Variants in ENTPD7 observed in about 807,000 individuals in gnomAD.
ENTPD7 encodes NTPDase 7.
ENTPD7 carries 53 observed loss-of-function variants against 77.9 expected under a neutral mutation model. That is an observed-to-expected ratio of 0.68 (90% CI 0.55 to 0.85). The LOEUF is 0.85. Among genes scored for constraint, ENTPD7 ranks in the 40% least tolerant of loss-of-function variants. The probability of loss-of-function intolerance (pLI) is 0.00; values close to 1 mark genes in which losing one functional copy is unlikely to be tolerated. For missense variants in ENTPD7, 636 were observed against 743.7 expected (o/e 0.86, Z 1.68); for synonymous variants, 248 against 274.9 (o/e 0.90, Z 0.97).
At chr10:99,677,992 C>A (rs527386108) in intron 3 of ENTPD7, among the ~76,000 whole-genome samples, 12 of 152,148 alleles carry the variant, frequency 7.9e-5, no homozygotes, top group Non-Finnish European at 1.5e-4. Flanking sequence ...AGCCAGATAT[C>A]TTGGAATGAG....
At chr10:99,692,077 C>T (rs1387932002) in intron 8 of ENTPD7, among the ~76,000 whole-genome samples, 1 of 152,166 alleles carries the variant, frequency 6.6e-6, no homozygotes, top group South Asian at 2.1e-4. Flanking sequence ...AAGGAATAGA[C>T]AATATTATGT....
At chr10:99,673,724 C>T (rs758509937) in intron 3 of ENTPD7, among the ~76,000 whole-genome samples, 4 of 152,186 alleles carry the variant, frequency 2.6e-5, no homozygotes, top group Non-Finnish European at 4.4e-5. Flanking sequence ...TAACAAGATA[C>T]TTTATTTGGA....
In ENTPD7 at chr10:99,701,391, G is replaced by A. The variant is rs182051286; in HGVS notation, c.1421+333G>A. Among the ~76,000 whole-genome samples, 492 of 151,474 alleles carry A rather than the reference G, an allele frequency of 3.2e-3. 3 individuals are homozygous for A. The highest frequency in any genetic ancestry group is 0.011 in the African/African-American group (464 of 41,262). ...CAACCTCCGCCTCCTGGGTTCCAGC[G>A]ATTCTCCTGCCTCAGCCCCCCAAGT... On this transcript the variant is annotated intron_variant, in intron 11 of 12. Coordinates refer to ENST00000370489, the MANE Select transcript of ENTPD7 (RefSeq NM_020354.5).
At position 99,711,117 on chromosome 10, in the gene ENTPD7, A is replaced by G; in HGVS notation, c.*6434A>G. ...ACATAAATACAAAAAAAACCCTAAG[A>G]TAATCATTCACCAGAAGCTCATAGA... On this transcript the variant is annotated 3_prime_UTR_variant, in exon 13 of 13. Transcript: ENST00000370489. 1 of 985,066 alleles carries G rather than the reference A, an allele frequency of 1.0e-6. No individual in the cohort carries two copies. Among genetic ancestry groups the G allele is most frequent in the East Asian group, 1.1e-4 (1 of 8,820 alleles). The allele number at this position is 985,066 out of a possible 1,614,324, so 61.0% of individuals were successfully genotyped here.
intron 10 of ENTPD7, among the ~76,000 whole-genome samples, chr10:99,699,405 T>C (rs2036059450): frequency 6.6e-6 from 1 of 152,190 alleles, no homozygotes; most frequent in Non-Finnish European, 1.5e-5. Context: ...TCTGAGCATA[T>C]ATAGGACTTA....
At position 99,704,539 on chromosome 10, in the gene ENTPD7, T is replaced by C. The variant is rs1424322094; in HGVS notation, c.1671T>C (p.Cys557=). The change falls in exon 13 of 13, where the codon TGT becomes TGC. Residue 557 remains cysteine, a synonymous_variant. Transcript: ENST00000370489. ...ACAACCACTATCTCTTCTTTGCCTG[T>C]ATCCTGGTGGTGCTACTGGCCATCT... ...FVYNHYLFFA[C]ILVVLLAIFL... 1 of 1,614,238 alleles carries C rather than the reference T, an allele frequency of 6.2e-7. No individual in the cohort carries two copies. Among genetic ancestry groups the C allele is most frequent in the Non-Finnish European group, 8.5e-7 (1 of 1,180,030 alleles).
In ENTPD7 at chr10:99,710,674, T is replaced by C. The variant is rs1210898910; in HGVS notation, c.*5991T>C. Reference sequence around the variant, plus strand: ...GGGACATGGGTATATGTGTTACATATGCTGATATATAACCCACCATTCATC... The same window carrying C: ...GGGACATGGGTATATGTGTTACATACGCTGATATATAACCCACCATTCATC... On this transcript the variant is annotated 3_prime_UTR_variant, in exon 13 of 13. Coordinates refer to ENST00000370489, the MANE Select transcript of ENTPD7 (RefSeq NM_020354.5). 1.0e-6 allele frequency: 1 copy of C among 985,434 alleles called. No individual in the cohort carries two copies. Among genetic ancestry groups the C allele is most frequent in the East Asian group, 1.1e-4 (1 of 8,824 alleles). 61.0% of individuals were successfully genotyped at this position (985,434 alleles called of 1,614,324 possible).
intron 3 of ENTPD7, 124 bp from the exon 4 acceptor site, chr10:99,679,137 T>C: frequency 1.2e-6 from 1 of 826,278 alleles, no homozygotes; most frequent in Non-Finnish European, 1.9e-6. Context: ...TGGTTAGGAC[T>C]GGTAGTCCCA....
At chr10:99,686,720 T>C (rs754374173) in intron 6 of ENTPD7, among the ~76,000 whole-genome samples, 10 of 152,250 alleles carry the variant, frequency 6.6e-5, no homozygotes, top group Middle Eastern at 3.4e-3. Flanking sequence ...AGTTGGCATC[T>C]TTTGATTGTC....
At position 99,708,728 on chromosome 10, in the gene ENTPD7, A is replaced by T; in HGVS notation, c.*4045A>T. The T allele has an allele frequency of 1.5e-6, 1 of 653,220 alleles. No individual in the cohort carries two copies. Among genetic ancestry groups the T allele is most frequent in the Non-Finnish European group, 1.9e-6 (1 of 526,614 alleles). 40.5% of individuals were successfully genotyped at this position (653,220 alleles called of 1,614,324 possible). A position where few individuals can be genotyped will look rare whatever the true frequency, so the allele number is the denominator to read the frequency against. On this transcript the variant is annotated 3_prime_UTR_variant, in exon 13 of 13. Transcript: ENST00000370489. ...TCATAATAAATTTCAGAAGAGTTTT[A>T]AAGCTTCTGGTCAACCCCCTTGATT...
chr10:99,691,078 T>G (rs1254581011), intron 7 of ENTPD7, among the ~76,000 whole-genome samples: 4 of 152,094 alleles, frequency 2.6e-5, no homozygotes, highest in Non-Finnish European at 5.9e-5. Flanking sequence ...CCTCAAACTC[T>G]TGGGCACAAA....
intron 11 of ENTPD7, 126 bp from the exon 12 acceptor site, chr10:99,702,386 G>A (rs111624293): frequency 1.1e-5 from 8 of 733,722 alleles, no homozygotes; most frequent in African/African-American, 7.2e-5. Context: ...ACTTAGAGGT[G>A]AGGAAGGTGA....
intron 3 of ENTPD7, among the ~76,000 whole-genome samples, chr10:99,670,924 G>A (rs1338154944): frequency 2.6e-5 from 4 of 152,066 alleles, no homozygotes; most frequent in Non-Finnish European, 1.5e-5. Flanking sequence ...TGGCGGAGGC[G>A]GGAGGATCAC....
chr10:99,688,638 G>A (rs2035842805), intron 6 of ENTPD7, 56 bp from the exon 7 acceptor site: 1 of 1,557,232 alleles, frequency 6.4e-7, no homozygotes, highest in East Asian at 2.3e-5. Context: ...AGGGAGAGGT[G>A]TATACATGGC....
At chr10:99,660,402 T>C (rs1323273825) in intron 2 of ENTPD7, 3 of 1,136,196 alleles carry the variant, frequency 2.6e-6, no homozygotes, top group Non-Finnish European at 3.4e-6. Flanking sequence ...CCTGAAGCTT[T>C]TAAAAAATAT....
At chr10:99,683,800 T>A (rs1322630970) in intron 5 of ENTPD7, among the ~76,000 whole-genome samples, 4 of 152,244 alleles carry the variant, frequency 2.6e-5, no homozygotes, top group Non-Finnish European at 5.9e-5. Context: ...TTAACATCTG[T>A]ATAGTATTAC....
In ENTPD7 at chr10:99,705,853, G is replaced by A. The variant is rs1054637554; in HGVS notation, c.*1170G>A. 2.0e-5 allele frequency: 3 copies of A among 152,188 alleles called. No homozygotes were observed. Among genetic ancestry groups the A allele is most frequent in the African/African-American group, 4.8e-5 (2 of 41,446 alleles). The allele number at this position is 152,188 out of a possible 1,614,324, so 9.4% of individuals were successfully genotyped here. ...CAAACAGCACTTCCATTAATGAAGC[G>A]AGAGGAAAAGCCATAATAATTACAT... On this transcript the variant is annotated 3_prime_UTR_variant, in exon 13 of 13. Coordinates refer to ENST00000370489, the MANE Select transcript of ENTPD7 (RefSeq NM_020354.5).
In ENTPD7 at chr10:99,705,254, T is replaced by C. The variant is rs970347396; in HGVS notation, c.*571T>C. ...TGCTTCCTTGACAAAGAAGCCATCA[T>C]GGGTGTGATCCAAGATCCCTGTCGT... is the stretch of plus-strand genomic sequence containing the variant. On this transcript the variant is annotated 3_prime_UTR_variant, in exon 13 of 13. Coordinates refer to ENST00000370489, the MANE Select transcript of ENTPD7 (RefSeq NM_020354.5). 6.3e-6 allele frequency: 1 copy of C among 158,692 alleles called. No homozygotes were observed. Among genetic ancestry groups the C allele is most frequent in the African/African-American group, 2.4e-5 (1 of 41,490 alleles). 9.8% of individuals were successfully genotyped at this position (158,692 alleles called of 1,614,324 possible). A position where few individuals can be genotyped will look rare whatever the true frequency, so the allele number is the denominator to read the frequency against.
In ENTPD7 at chr10:99,698,530, G is replaced by A. The variant is rs377360889; in HGVS notation, c.1011-4G>A. ...TTGTTTGTTTGTTTTTGTCATTGTG[G>A]CAGATTGCTTGGTCAGAAGACAGGT... On this transcript the variant is annotated splice_region_variant and splice_polypyrimidine_tract_variant and intron_variant, in intron 9 of 12. Transcript: ENST00000370489. 1.9e-5 allele frequency: 31 copies of A among 1,611,262 alleles called. No homozygotes were observed. The African/African-American group carries it at 3.7e-4, about 19-fold the overall frequency.
Sources: allele counts gnomAD v4.1 joint callset (sites outside exome capture counted in the v4.1 genomes callset), GRCh38; gene constraint gnomAD v4.1.1; transcripts MANE v1.5; gene names NCBI Gene and HGNC (gene_info 2026-07-23, HGNC 2026-07-21).